The following SLC44A3 variants were observed in gnomAD, a reference collection of about 807,000 sequenced individuals.
The protein encoded by SLC44A3 is solute carrier family 44 member 3.
SLC44A3 carries 74 observed loss-of-function variants against 75.4 expected under a neutral mutation model. The observed-to-expected ratio is 0.98, with a 90% confidence interval of 0.81 to 1.19. SLC44A3 has a LOEUF of 1.19. SLC44A3 is among the 50% of genes most tolerant of loss of function. The pLI is 0.00. For synonymous variants in SLC44A3, 310 were observed against 296.9 expected, an observed-to-expected ratio of 1.04 and a Z score of -0.45; for missense variants, 700 against 778.6, an observed-to-expected ratio of 0.90 and a Z score of 1.20.
chr1:94,841,896 C>T lies in SLC44A3; in HGVS notation c.761-104C>T, dbSNP rs117110058. 4,735 of 1,443,370 alleles carry T rather than the reference C, an allele frequency of 3.3e-3. 90 individuals are homozygous for T. The East Asian group carries it at 0.051, about 16-fold the overall frequency. 89.4% of individuals were successfully genotyped at this position (1,443,370 alleles called of 1,614,324 possible). A position where few individuals can be genotyped will look rare whatever the true frequency, so the allele number is the denominator to read the frequency against. Reference sequence around the variant, plus strand: ...GGGACCCACTGCCAGAGCAGTGCCACGCGGCCGGTGGGCAGTGGCTGGACT... The same window carrying T: ...GGGACCCACTGCCAGAGCAGTGCCATGCGGCCGGTGGGCAGTGGCTGGACT... On this transcript the variant is annotated intron_variant, in intron 7 of 14. Transcript: ENST00000271227.
At chr1:94,834,731 C>T (rs550529459) in intron 5 of SLC44A3, among the ~76,000 whole-genome samples, 2 of 152,200 alleles carry the variant, frequency 1.3e-5, no homozygotes, top group Admixed American at 6.5e-5. Flanking sequence ...GTGATCCACT[C>T]GCCTCGGCCT....
intron 9 of SLC44A3, among the ~76,000 whole-genome samples, chr1:94,849,158 C>T (rs1433719414): frequency 6.6e-6 from 1 of 152,092 alleles, no homozygotes; most frequent in African/African-American, 2.4e-5. Context: ...CTGAAGGTAG[C>T]GTGTCATTCT....
In SLC44A3 at chr1:94,831,758, A is replaced by G. The variant is rs150892104; in HGVS notation, c.509+3172A>G. ...CATGGTTTGCTCAGCTGAATTCCAT[A>G]TACCTGGTGATCTAAATATACAGGC... On this transcript the variant is annotated intron_variant, in intron 5 of 14. Coordinates refer to ENST00000271227, the MANE Select transcript of SLC44A3 (RefSeq NM_001114106.3). Among the ~76,000 whole-genome samples, 259 of 152,342 alleles carry G rather than the reference A, an allele frequency of 1.7e-3. 3 individuals are homozygous for G. The highest frequency in any genetic ancestry group is 5.3e-3 in the African/African-American group (219 of 41,582).
intron 10 of SLC44A3, among the ~76,000 whole-genome samples, chr1:94,859,335 C>G (rs1666293693): frequency 6.6e-6 from 1 of 152,150 alleles, no homozygotes; most frequent in Non-Finnish European, 1.5e-5. Flanking sequence ...AAGATTGAAA[C>G]AGGCACAAAC....
chr1:94,839,291 A>G (rs1247108596), intron 6 of SLC44A3, among the ~76,000 whole-genome samples: 1 of 115,758 alleles, frequency 8.6e-6, no homozygotes, highest in Non-Finnish European at 1.9e-5. Context: ...TGAAGTCAAA[A>G]GATTTAAGTA....
intron 2 of SLC44A3, among the ~76,000 whole-genome samples, chr1:94,822,879 T>C (rs990196168): frequency 1.3e-5 from 2 of 152,260 alleles, no homozygotes; most frequent in Non-Finnish European, 2.9e-5. Context: ...ATTGCATGTT[T>C]GAAATTAGGA....
chr1:94,878,495 G>A (rs1053326722), intron 12 of SLC44A3, among the ~76,000 whole-genome samples: 15 of 152,242 alleles, frequency 9.9e-5, no homozygotes, highest in Non-Finnish European at 2.1e-4. Flanking sequence ...GGCAATAAAG[G>A]AAAAATAAAT....
At chr1:94,867,126 G>A (rs377069423) in intron 11 of SLC44A3, among the ~76,000 whole-genome samples, 6 of 151,946 alleles carry the variant, frequency 3.9e-5, no homozygotes, top group African/African-American at 7.3e-5. Context: ...CCCCTAACAC[G>A]TAAGTCCACA....
At chr1:94,849,335 C>T (rs868279955) in intron 9 of SLC44A3, among the ~76,000 whole-genome samples, 4 of 152,158 alleles carry the variant, frequency 2.6e-5, no homozygotes, top group African/African-American at 7.2e-5. Context: ...GAAGGTGCTA[C>T]GCAGAGCCAC....
intron 9 of SLC44A3, among the ~76,000 whole-genome samples, chr1:94,847,089 G>A (rs1423413413): frequency 6.6e-6 from 1 of 152,228 alleles, no homozygotes; most frequent in African/African-American, 2.4e-5. Flanking sequence ...ACCCAGGGAG[G>A]AACATTGGTC....
At chr1:94,849,147 G>A (rs1247393252) in intron 9 of SLC44A3, among the ~76,000 whole-genome samples, 2 of 152,124 alleles carry the variant, frequency 1.3e-5, no homozygotes, top group Non-Finnish European at 2.9e-5. Flanking sequence ...ATTCTTCAGG[G>A]CTGAAGGTAG....
At chr1:94,823,513 G>A (rs187711085) in intron 2 of SLC44A3, among the ~76,000 whole-genome samples, 1 of 152,324 alleles carries the variant, frequency 6.6e-6, no homozygotes, top group East Asian at 1.9e-4. Context: ...GAGGCAAGGA[G>A]TAGGTTCTGG....
intron 12 of SLC44A3, among the ~76,000 whole-genome samples, chr1:94,888,198 G>C (rs1016115151): frequency 6.6e-6 from 1 of 152,194 alleles, no homozygotes; most frequent in African/African-American, 2.4e-5. Context: ...TCTGGCTACA[G>C]AGCCTGTGCT....
intron 6 of SLC44A3, among the ~76,000 whole-genome samples, chr1:94,839,649 A>G (rs1388026809): frequency 6.6e-6 from 1 of 152,158 alleles, no homozygotes; most frequent in African/African-American, 2.4e-5. Context: ...TCGGCCTCCC[A>G]AAGTGCTGGG....
Position 94,894,911 on chromosome 1 carries a change from A to G in SLC44A3, c.1951A>G (p.Ile651Val). Residue 651 changes from isoleucine to valine, a missense_variant, in exon 15 of 15, where the codon ATT becomes GTT. Ile to Val is a conservative substitution (Grantham distance 29). Coordinates refer to ENST00000271227, the MANE Select transcript of SLC44A3 (RefSeq NM_001114106.3). ...TGAGGAGGGAACAGAACTCCAGGCC[A>G]TTGTGAGATAGATACCCATTTAGGT... ...RNEEGTELQA[I>V]VR 1.2e-6 allele frequency: 2 copies of G among 1,609,958 alleles called. No homozygotes were observed. The highest frequency in any genetic ancestry group is 2.2e-5 in the South Asian group (2 of 90,422).
At chr1:94,888,602 C>G (rs963122966) in intron 12 of SLC44A3, 2 of 923,144 alleles carry the variant, frequency 2.2e-6, no homozygotes, top group Non-Finnish European at 2.6e-6. Context: ...CACGCACATT[C>G]TATGTAAGTC....
At chr1:94,865,047 C>T in intron 11 of SLC44A3, 148 bp downstream of exon 11, 1 of 643,672 alleles carries the variant, frequency 1.6e-6, no homozygotes, top group Non-Finnish European at 2.5e-6. Flanking sequence ...GCTCCCATCC[C>T]CCGCCTCTCC....
chr1:94,843,433 A>C (rs1436689396), intron 8 of SLC44A3: 5 of 152,176 alleles, frequency 3.3e-5, no homozygotes. Context: ...AGCCTTTACA[A>C]CTGAAGGGTC....
chr1:94,843,222 AG>A (rs1663898876), intron 8 of SLC44A3: 2 of 152,598 alleles, frequency 1.3e-5, no homozygotes, highest in Admixed American at 1.3e-4. Flanking sequence ...GGCCGGGGCA[AG>A]GTTAGGGAGA....
Sources: gnomAD v4.1 joint callset for allele counts (sites outside exome capture counted in the v4.1 genomes callset) on GRCh38, gnomAD v4.1.1 for gene constraint, MANE v1.5 for transcripts, NCBI Gene and HGNC (gene_info 2026-07-23, HGNC 2026-07-21) for gene names.